CECR2: variants seen among roughly 807,000 people sequenced by gnomAD.
CECR2 encodes the protein chromatin remodeling regulator CECR2.
Under a neutral mutation model 154.5 loss-of-function variants are expected in CECR2, and 30 were observed. The observed-to-expected ratio is 0.19, with a 90% CI of 0.15 to 0.26. The LOEUF is 0.26. CECR2 is among the 10% of genes least tolerant of loss of function. The pLI is 1.00. For synonymous variants in CECR2, 725 were observed against 683.7 expected (o/e 1.06, Z -0.94); for missense variants, 1,743 against 1,829.3 (o/e 0.95, Z 0.86).
Position 17,455,879 on chromosome 22 carries a change from G to A in CECR2, c.127-21709G>A, listed in dbSNP as rs796756305. 1.8e-4 allele frequency among the ~76,000 whole-genome samples: 28 copies of A among 152,224 alleles called. 1 individual carries two copies. Among genetic ancestry groups the A allele is most frequent in the African/African-American group, 5.3e-4 (22 of 41,542 alleles). On this transcript the variant is annotated intron_variant, in intron 1 of 18. Transcript: ENST00000262608. ...GCCTGGGATTATAGGTGTGAGCCAC[G>A]GTGCCCAGCCCCAAACAGCACACAT...
chr22:17,524,174 G>A lies in CECR2; in HGVS notation c.1011G>A (p.Glu337=). ...EKQKRKEEEE[E]RQILLAVQKK... is the part of the protein sequence containing the mutation. ...AAAAGCGCAAAGAGGAGGAAGAAGA[G>A]CGTCAGATTCTTCTAGCAGTGCAGA... The change falls in exon 9 of 19, where the codon GAG becomes GAA. Residue 337 remains glutamate, a synonymous_variant. Transcript: ENST00000262608. 6.2e-7 allele frequency: 1 copy of A among 1,606,440 alleles called. No homozygotes were observed. Among genetic ancestry groups the A allele is most frequent in the Non-Finnish European group, 8.5e-7 (1 of 1,176,300 alleles).
At chr22:17,415,094 A>C (rs1037775698) in intron 1 of CECR2, among the ~76,000 whole-genome samples, 7 of 152,230 alleles carry the variant, frequency 4.6e-5, no homozygotes, top group Non-Finnish European at 8.8e-5. Flanking sequence ...TGGTGCCTTC[A>C]GTGCCTAGCG....
chr22:17,419,630 C>A, intron 1 of CECR2: 1 of 332,816 alleles, frequency 3.0e-6, no homozygotes, highest in South Asian at 6.3e-5. Flanking sequence ...TATGATGATT[C>A]CGCAGTTAAT....
chr22:17,427,719 G>C (rs1265218124), intron 1 of CECR2, among the ~76,000 whole-genome samples: 1 of 152,136 alleles, frequency 6.6e-6, no homozygotes, highest in Non-Finnish European at 1.5e-5. Context: ...TGGATGGCCA[G>C]CTTTTATTCC....
chr22:17,447,033 C>CTTTTTTTTTTTTTT (rs1555910503), intron 1 of CECR2, among the ~76,000 whole-genome samples: 9 of 114,104 alleles, frequency 7.9e-5, no homozygotes, highest in African/African-American at 1.1e-4. Context: ...CGTTTACAAT[C>CTTTTTTTTTTTTTT]TTTTTTTTTT....
At chr22:17,449,483 C>CTTTTTTTTTTTTT (rs35473694) in intron 1 of CECR2, among the ~76,000 whole-genome samples, 3 of 71,450 alleles carry the variant, frequency 4.2e-5, no homozygotes, top group Admixed American at 2.2e-4. Context: ...GTAACCAGTT[C>CTTTTTTTTTTTTT]TTTTTTTTTT....
intron 16 of CECR2, among the ~76,000 whole-genome samples, chr22:17,545,494 C>T (rs945012826): frequency 6.0e-5 from 9 of 150,658 alleles, no homozygotes; most frequent in African/African-American, 2.2e-4. Flanking sequence ...AAATATCTAG[C>T]ATGCATGTAA....
chr22:17,495,424 C>T (rs1227190059), intron 2 of CECR2, among the ~76,000 whole-genome samples: 2 of 151,780 alleles, frequency 1.3e-5, no homozygotes, highest in Non-Finnish European at 2.9e-5. Flanking sequence ...CAAAAATTAG[C>T]CGGTCATGGT....
At chr22:17,493,724 G>A (rs2055571371) in intron 2 of CECR2, among the ~76,000 whole-genome samples, 1 of 152,358 alleles carries the variant, frequency 6.6e-6, no homozygotes, top group Non-Finnish European at 1.5e-5. Flanking sequence ...TTTGAGACAA[G>A]TAAGGGCTTC....
chr22:17,374,414 G>C (rs576050860), intron 1 of CECR2, among the ~76,000 whole-genome samples: 1 of 152,158 alleles, frequency 6.6e-6, no homozygotes, highest in African/African-American at 2.4e-5. Flanking sequence ...AAAGAAACTT[G>C]TAAGTACATC....
rs1255640546 is a variant in CECR2, at chr22:17,556,215, C to A, written c.*3375C>A. On this transcript the variant is annotated 3_prime_UTR_variant, in exon 19 of 19. Transcript: ENST00000262608. ...CTGGCCGTACACACGAGCTGCTCAT[C>A]AACAGTTCGTATCTTCTCACTGAGC... The A allele has an allele frequency of 6.6e-6, 1 of 152,158 alleles. No homozygotes were observed. Among genetic ancestry groups the A allele is most frequent in the Non-Finnish European group, 1.5e-5 (1 of 68,040 alleles). The allele number at this position is 152,158 out of a possible 1,614,324, so 9.4% of individuals were successfully genotyped here.
chr22:17,513,158 C>G (rs2055989846), intron 8 of CECR2, among the ~76,000 whole-genome samples: 1 of 152,106 alleles, frequency 6.6e-6, no homozygotes, highest in Non-Finnish European at 1.5e-5. Flanking sequence ...TGAGACCAGC[C>G]TGGGCAACAT....
At chr22:17,482,678 C>T (rs765677843) in intron 2 of CECR2, among the ~76,000 whole-genome samples, 1 of 151,436 alleles carries the variant, frequency 6.6e-6, no homozygotes, top group Non-Finnish European at 1.5e-5. Flanking sequence ...GGACTCCAGG[C>T]GTGCACCACC....
At chr22:17,445,645 T>G (rs2054650655) in intron 1 of CECR2, among the ~76,000 whole-genome samples, 2 of 151,510 alleles carry the variant, frequency 1.3e-5, no homozygotes, top group African/African-American at 2.4e-5. Flanking sequence ...GGTGCAATCT[T>G]GGCTGACTGC....
chr22:17,530,192 T>C (rs2056331809), intron 9 of CECR2, among the ~76,000 whole-genome samples: 2 of 151,268 alleles, frequency 1.3e-5, no homozygotes, highest in Admixed American at 1.3e-4. Context: ...TCAAAACTCC[T>C]GTAATGTTAC....
chr22:17,503,424 T>G (rs1194704077), intron 6 of CECR2, among the ~76,000 whole-genome samples: 1 of 152,182 alleles, frequency 6.6e-6, no homozygotes, highest in East Asian at 1.9e-4. Flanking sequence ...AAGAGAGGTC[T>G]TTTTAATGTC....
rs570198503 is a variant in CECR2 at position 17,434,405 on chromosome 22, C to T, written c.127-43183C>T. Among the ~76,000 whole-genome samples the T allele has an allele frequency of 2.6e-5, 4 of 152,278 alleles. No individual in the cohort carries two copies. The East Asian group carries it at 7.7e-4, about 29-fold the overall frequency. ...TTGGATTGTTTAATTTGAAATGCAG[C>T]TTCTGAGGCCGGATTCTGGAGACTC... On this transcript the variant is annotated intron_variant, in intron 1 of 18. Coordinates refer to ENST00000262608, the MANE Select transcript of CECR2 (RefSeq NM_001290047.2).
Position 17,552,957 on chromosome 22 carries a change from G to T in CECR2, c.*117G>T. On this transcript the variant is annotated 3_prime_UTR_variant, in exon 19 of 19. Coordinates refer to ENST00000262608, the MANE Select transcript of CECR2 (RefSeq NM_001290047.2). The stretch of plus-strand genomic sequence containing the variant: ...ATCACCTGCTCCACCCCTTCACGGC[G>T]ACCCACTCGTGCCATACTTGAGCTG... 1.3e-6 allele frequency: 2 copies of T among 1,505,474 alleles called. No homozygotes were observed. The highest frequency in any genetic ancestry group is 1.3e-5 in the South Asian group (1 of 76,972). 93.3% of individuals were successfully genotyped at this position (1,505,474 alleles called of 1,614,324 possible). A position where few individuals can be genotyped will look rare whatever the true frequency, so the allele number is the denominator to read the frequency against.
chr22:17,543,068 A>G, intron 16 of CECR2, 65 bp downstream of exon 16: 2 of 1,474,466 alleles, frequency 1.4e-6, no homozygotes, highest in Non-Finnish European at 1.8e-6. Flanking sequence ...TTTACACAGC[A>G]TATCAAACCA....
Sources: gnomAD v4.1 joint callset for allele counts (sites outside exome capture counted in the v4.1 genomes callset) on GRCh38, gnomAD v4.1.1 for gene constraint, MANE v1.5 for transcripts, NCBI Gene and HGNC (gene_info 2026-07-23, HGNC 2026-07-21) for gene names.